The following MYO6 variants were observed in gnomAD, a reference collection of about 807,000 sequenced individuals.
MYO6 encodes unconventional myosin-VI.
In MYO6, 74 loss-of-function variants were observed where a neutral mutation model predicts 178.7. The ratio of observed to expected loss-of-function variants is 0.41; its 90% CI spans 0.34 to 0.50. The LOEUF is 0.50. MYO6 is among the 20% of genes least tolerant of loss of function. The probability of loss-of-function intolerance (pLI) is 0.09; values close to 1 mark genes in which losing one functional copy is unlikely to be tolerated. For synonymous variants in MYO6, 477 were observed against 504.6 expected (o/e 0.95, Z 0.73); for missense variants, 1,330 against 1,547.4 (o/e 0.86, Z 2.36).
At position 75,867,022 on chromosome 6, in the gene MYO6, T is replaced by C. The variant is rs944039280; in HGVS notation, c.1861T>C (p.Phe621Leu). Residue 621 changes from phenylalanine to leucine, a missense_variant, in exon 18 of 35, where the codon TTT becomes CTT. This residue lies in a region of MYO6 where 613 missense variants were observed against 816.8 expected (regional missense o/e 0.75). Transcript: ENST00000369977. ...ESRDKFIRELFESSTNNNKDT... is the reference protein window; with the variant it reads ...ESRDKFIRELLESSTNNNKDT... ...CAGAGATAAGTTTATACGGGAATTA[T>C]TTGAATCATCCACAAATAACAACAA... The C allele has an allele frequency of 1.2e-6, 2 of 1,613,762 alleles. No homozygotes were observed. Among genetic ancestry groups the C allele is most frequent in the Admixed American group, 1.7e-5 (1 of 59,994 alleles).
chr6:75,769,627 C>T (rs1451312336), intron 1 of MYO6, among the ~76,000 whole-genome samples: 2 of 152,300 alleles, frequency 1.3e-5, no homozygotes, highest in Non-Finnish European at 1.5e-5. Context: ...GTAGGCTGGG[C>T]GTGGTGGCTC....
At chr6:75,793,919 G>A (rs1768512037) in intron 1 of MYO6, among the ~76,000 whole-genome samples, 1 of 152,198 alleles carries the variant, frequency 6.6e-6, no homozygotes, top group Non-Finnish European at 1.5e-5. Context: ...CTTACATCGA[G>A]CTGCTGGTTA....
At chr6:75,912,879 G>A (rs931235541) in intron 33 of MYO6, among the ~76,000 whole-genome samples, 1 of 152,112 alleles carries the variant, frequency 6.6e-6, no homozygotes, top group Non-Finnish European at 1.5e-5. Flanking sequence ...TTCCTTCATA[G>A]GGATATATAG....
chr6:75,830,944 T>C (rs1274513109), intron 5 of MYO6, among the ~76,000 whole-genome samples: 1 of 152,218 alleles, frequency 6.6e-6, no homozygotes, highest in Non-Finnish European at 1.5e-5. Flanking sequence ...AGCTCATCCC[T>C]TATGAGTGTG....
At chr6:75,835,323 T>G (rs1773530138) in intron 6 of MYO6, among the ~76,000 whole-genome samples, 2 of 152,326 alleles carry the variant, frequency 1.3e-5, no homozygotes, top group Middle Eastern at 6.8e-3. Flanking sequence ...TTTCAACATT[T>G]AGATTCAGGC....
At chr6:75,793,891 G>C (rs1768507323) in intron 1 of MYO6, among the ~76,000 whole-genome samples, 1 of 152,182 alleles carries the variant, frequency 6.6e-6, no homozygotes, top group Non-Finnish European at 1.5e-5. Context: ...CTAGAATGAA[G>C]TCATAGGTCT....
intron 20 of MYO6, 42 bp from the exon 21 acceptor site, chr6:75,879,778 G>A (rs778123691): frequency 1.7e-5 from 27 of 1,613,716 alleles, no homozygotes; most frequent in Admixed American, 3.3e-5. Context: ...TTGGACTTCC[G>A]AACAGTGATT....
At position 75,846,678 on chromosome 6, in the gene MYO6, C is replaced by G. The variant is rs182319866; in HGVS notation, c.898-1673C>G. On this transcript the variant is annotated intron_variant, in intron 10 of 34. Transcript: ENST00000369977. ...ATATCAAAATATAGTAGCTATATTCCTTTCACTAAGATAATGGAGACCTTT... is the reference window on the plus strand; with the variant it reads ...ATATCAAAATATAGTAGCTATATTCGTTTCACTAAGATAATGGAGACCTTT... Among the ~76,000 whole-genome samples, 45 of 152,052 alleles carry G rather than the reference C, an allele frequency of 3.0e-4. 2 individuals carry two copies. The East Asian group carries it at 6.2e-3, about 21-fold the overall frequency.
chr6:75,773,123 G>T (rs75542101), intron 1 of MYO6, among the ~76,000 whole-genome samples: 2,473 of 152,276 alleles, frequency 0.016, 66 homozygotes, highest in African/African-American at 0.057. Flanking sequence ...CATGAGTGGT[G>T]AGAATGAAAC....
In MYO6 at chr6:75,916,171, G is replaced by A. The variant is rs1280418260; in HGVS notation, c.*1159G>A. ...TTTAAAGACAAAAATACATCAAGGAGTTATGCTGACATAATTCTAAGGAGT... is the reference window on the plus strand; with the variant it reads ...TTTAAAGACAAAAATACATCAAGGAATTATGCTGACATAATTCTAAGGAGT... On this transcript the variant is annotated 3_prime_UTR_variant, in exon 35 of 35. Transcript: ENST00000369977. 1.3e-5 allele frequency: 2 copies of A among 152,184 alleles called. No homozygotes were observed. Among genetic ancestry groups the A allele is most frequent in the Non-Finnish European group, 2.9e-5 (2 of 68,026 alleles). The allele number at this position is 152,184 out of a possible 1,614,324, so 9.4% of individuals were successfully genotyped here. A position where few individuals can be genotyped will look rare whatever the true frequency, so the allele number is the denominator to read the frequency against.
At chr6:75,788,665 G>A (rs12660493) in intron 1 of MYO6, among the ~76,000 whole-genome samples, 1 of 152,132 alleles carries the variant, frequency 6.6e-6, no homozygotes. Flanking sequence ...CTTGAACTCT[G>A]GACCTCAAGT....
chr6:75,876,204 G>C (rs1340111166), intron 20 of MYO6, among the ~76,000 whole-genome samples: 1 of 152,074 alleles, frequency 6.6e-6, no homozygotes, highest in African/African-American at 2.4e-5. Context: ...CCTGAATTTG[G>C]GGTGCTGAGC....
chr6:75,770,626 ACCAC>A (rs1357287196), intron 1 of MYO6, among the ~76,000 whole-genome samples: 1 of 152,100 alleles, frequency 6.6e-6, no homozygotes, highest in Non-Finnish European at 1.5e-5. Context: ...ACAAGCTTGC[ACCAC>A]CATGCCTGGC....
At chr6:75,876,024 C>G (rs1009688074) in intron 20 of MYO6, among the ~76,000 whole-genome samples, 4 of 152,176 alleles carry the variant, frequency 2.6e-5, no homozygotes, top group African/African-American at 9.7e-5. Flanking sequence ...CCCTGACTTT[C>G]ATTTTCATTC....
At chr6:75,891,489 G>A (rs1388722498) in intron 27 of MYO6, among the ~76,000 whole-genome samples, 183 bp downstream of exon 27, 1 of 151,964 alleles carries the variant, frequency 6.6e-6, no homozygotes, top group African/African-American at 2.4e-5. Flanking sequence ...CAAATTAGCC[G>A]GACATGGTGG....
At chr6:75,911,773 T>C in intron 33 of MYO6, 75 bp downstream of exon 33, 2 of 1,407,810 alleles carry the variant, frequency 1.4e-6, no homozygotes, top group South Asian at 2.3e-5. Context: ...TAACTTCTAT[T>C]AAAAGTTGTT....
intron 30 of MYO6, among the ~76,000 whole-genome samples, chr6:75,905,326 T>G (rs1562310727): frequency 2.0e-5 from 3 of 152,232 alleles, no homozygotes; most frequent in Non-Finnish European, 2.9e-5. Flanking sequence ...CCAGCCTCAC[T>G]GCCGCCTTGC....
chr6:75,824,908 C>T (rs984852151), intron 3 of MYO6, among the ~76,000 whole-genome samples: 1 of 152,014 alleles, frequency 6.6e-6, no homozygotes, highest in Non-Finnish European at 1.5e-5. Flanking sequence ...TACACGTGTG[C>T]ACCACCATGT....
intron 14 of MYO6, 148 bp from the exon 15 acceptor site, chr6:75,860,875 C>A (rs1776141121): frequency 1.5e-6 from 1 of 659,984 alleles, no homozygotes; most frequent in African/African-American, 1.8e-5. Context: ...GTTCAAAAAT[C>A]TGTTATGTTT....
Sources: allele counts gnomAD v4.1 joint callset (sites outside exome capture counted in the v4.1 genomes callset), GRCh38; gene constraint gnomAD v4.1.1; regional missense constraint gnomAD v4.1.1; transcripts MANE v1.5; gene names NCBI Gene and HGNC (gene_info 2026-07-23, HGNC 2026-07-21).